The following CMKLR1 variants were observed in gnomAD, a reference collection of about 807,000 sequenced individuals.
CMKLR1 encodes the protein chemerin chemokine-like receptor 1.
In CMKLR1, 6 loss-of-function variants were observed where a neutral mutation model predicts 8.2. The observed-to-expected ratio is 0.73, with a 90% CI of 0.40 to 1.44. CMKLR1 has a LOEUF of 1.44. Among genes scored for constraint, CMKLR1 ranks in the 40% most tolerant of loss-of-function variants. CMKLR1 has a pLI of 0.02. For synonymous variants in CMKLR1, 178 were observed against 181.2 expected (o/e 0.98, Z 0.14); for missense variants, 429 against 478.0 (o/e 0.90, Z 0.96).
At chr12:108,316,564 G>A (rs1891739570) in intron 2 of CMKLR1, among the ~76,000 whole-genome samples, 1 of 152,168 alleles carries the variant, frequency 6.6e-6, no homozygotes, top group Non-Finnish European at 1.5e-5. Context: ...AAGAAGAAAG[G>A]GACAAGGCTA....
chr12:108,316,653 A>G (rs1361892148), intron 2 of CMKLR1, among the ~76,000 whole-genome samples: 1 of 152,242 alleles, frequency 6.6e-6, no homozygotes, highest in African/African-American at 2.4e-5. Context: ...GAGGGGCCCC[A>G]TGAATAGCTG....
chr12:108,296,389 T>C (rs924707703), intron 2 of CMKLR1, among the ~76,000 whole-genome samples: 1 of 152,190 alleles, frequency 6.6e-6, no homozygotes, highest in Non-Finnish European at 1.5e-5. Context: ...TTATTGGCAT[T>C]GTTATTATTT....
intron 2 of CMKLR1, among the ~76,000 whole-genome samples, chr12:108,304,853 C>A (rs1238420230): frequency 1.3e-5 from 2 of 152,276 alleles, no homozygotes; most frequent in East Asian, 3.8e-4. Context: ...CAGGCTACCA[C>A]TAACCTCTTC....
chr12:108,304,034 G>A (rs1348737717), intron 2 of CMKLR1, among the ~76,000 whole-genome samples: 1 of 152,174 alleles, frequency 6.6e-6, no homozygotes, highest in Non-Finnish European at 1.5e-5. Flanking sequence ...TACCAACGGG[G>A]ATGTCTGAAG....
chr12:108,293,018 C>A, intron 3 of CMKLR1, 59 bp from the exon 4 acceptor site: 2 of 1,470,626 alleles, frequency 1.4e-6, no homozygotes, highest in South Asian at 1.3e-5. Flanking sequence ...AGAGGTTGAC[C>A]AATACCAGCA....
intron 2 of CMKLR1, among the ~76,000 whole-genome samples, chr12:108,326,531 C>T (rs1220624209): frequency 1.3e-5 from 2 of 152,146 alleles, no homozygotes; most frequent in Non-Finnish European, 2.9e-5. Flanking sequence ...AAGAGACAGT[C>T]CCATCATAAA....
chr12:108,303,215 AGTC>A (rs1891323805), intron 2 of CMKLR1, among the ~76,000 whole-genome samples: 1 of 152,156 alleles, frequency 6.6e-6, no homozygotes, highest in African/African-American at 2.4e-5. Context: ...CTGTGCAAAG[AGTC>A]CTGGGCCCTA....
intron 1 of CMKLR1, among the ~76,000 whole-genome samples, chr12:108,334,753 AC>A (rs1488553330): frequency 6.6e-6 from 1 of 152,192 alleles, no homozygotes; most frequent in Non-Finnish European, 1.5e-5. Flanking sequence ...GAGCTGTGTG[AC>A]CTTAGGCAAG....
intron 2 of CMKLR1, among the ~76,000 whole-genome samples, chr12:108,300,761 T>C (rs1054156025): frequency 1.3e-5 from 2 of 152,160 alleles, no homozygotes; most frequent in African/African-American, 4.8e-5. Flanking sequence ...GTTGTGAGAA[T>C]TGAATAAGTG....
At chr12:108,334,090 T>C (rs1892168450) in intron 1 of CMKLR1, among the ~76,000 whole-genome samples, 1 of 152,256 alleles carries the variant, frequency 6.6e-6, no homozygotes, top group Admixed American at 6.5e-5. Flanking sequence ...CTTGGGAATG[T>C]CACGTAACCA....
chr12:108,319,343 G>A (rs1035154394), intron 2 of CMKLR1, among the ~76,000 whole-genome samples: 1 of 152,174 alleles, frequency 6.6e-6, no homozygotes, highest in Non-Finnish European at 1.5e-5. Flanking sequence ...GAAAGTCAGA[G>A]AGGTCAAGCA....
intron 2 of CMKLR1, among the ~76,000 whole-genome samples, chr12:108,327,597 C>T (rs1892008177): frequency 6.6e-6 from 1 of 152,222 alleles, no homozygotes; most frequent in African/African-American, 2.4e-5. Flanking sequence ...CCACTGCCCA[C>T]ACATCTGATG....
chr12:108,309,916 T>C (rs1891505850), intron 2 of CMKLR1, among the ~76,000 whole-genome samples: 1 of 152,198 alleles, frequency 6.6e-6, no homozygotes, highest in Non-Finnish European at 1.5e-5. Context: ...CGTATGTCTT[T>C]GTGGACATGA....
intron 2 of CMKLR1, among the ~76,000 whole-genome samples, chr12:108,329,247 C>T (rs932716608): frequency 4.6e-5 from 7 of 152,170 alleles, no homozygotes; most frequent in African/African-American, 1.2e-4. Flanking sequence ...TGGGTGGGGC[C>T]TTCAAGGCCC....
At chr12:108,311,319 A>C (rs1432902246) in intron 2 of CMKLR1, among the ~76,000 whole-genome samples, 1 of 152,136 alleles carries the variant, frequency 6.6e-6, no homozygotes, top group Non-Finnish European at 1.5e-5. Flanking sequence ...ATTAACACTT[A>C]AAAGTGCTAG....
chr12:108,306,053 C>G (rs751407998), intron 2 of CMKLR1, among the ~76,000 whole-genome samples: 5 of 152,208 alleles, frequency 3.3e-5, no homozygotes, highest in African/African-American at 4.8e-5. Flanking sequence ...TTTCCTTCCT[C>G]TCCGGGGATC....
At chr12:108,331,667 G>C (rs1892111334) in intron 1 of CMKLR1, among the ~76,000 whole-genome samples, 1 of 152,208 alleles carries the variant, frequency 6.6e-6, no homozygotes, top group African/African-American at 2.4e-5. Context: ...GATTACCCAG[G>C]TGAGCTCAGC....
rs901366926 is a variant in CMKLR1 at position 108,334,435 on chromosome 12, G to T, written c.-286-4228C>A. On this transcript the variant is annotated intron_variant, in intron 1 of 3. Transcript: ENST00000550402. Reference sequence around the variant, plus strand: ...TTCCAGGACCACACAACACCCTCATGCACTGTCCCTTCTCTTTTACACAGC... The same window carrying T: ...TTCCAGGACCACACAACACCCTCATTCACTGTCCCTTCTCTTTTACACAGC... Among the ~76,000 whole-genome samples, 4 of 152,188 alleles carry T rather than the reference G, an allele frequency of 2.6e-5. No homozygotes were observed. In the South Asian group the frequency reaches 8.3e-4, roughly 32 times the overall value.
chr12:108,334,568 C>G (rs920393776), intron 1 of CMKLR1, among the ~76,000 whole-genome samples: 2 of 152,352 alleles, frequency 1.3e-5, no homozygotes, highest in African/African-American at 4.8e-5. Flanking sequence ...GGAGTTTGAG[C>G]ATGATTCCTG....
Sources: allele counts gnomAD v4.1 joint callset (sites outside exome capture counted in the v4.1 genomes callset), GRCh38; gene constraint gnomAD v4.1.1; transcripts MANE v1.5; gene names NCBI Gene and HGNC (gene_info 2026-07-23, HGNC 2026-07-21).